GLIS3: variants seen among roughly 807,000 people sequenced by gnomAD.
GLIS3 encodes zinc finger protein GLIS3.
In GLIS3, 53 loss-of-function variants were observed where a neutral mutation model predicts 78.6. The observed-to-expected ratio is 0.67, with a 90% CI of 0.54 to 0.85. The LOEUF (loss-of-function observed/expected upper bound fraction) is 0.85. Ranked by LOEUF, GLIS3 falls within the 40% of genes least tolerant of loss-of-function variation. The pLI, the probability that GLIS3 is intolerant of heterozygous loss-of-function variation, is 0.00. For synonymous variants in GLIS3, 684 were observed against 509.9 expected, an observed-to-expected ratio of 1.34 and a Z score of -4.60; for missense variants, 1,703 against 1,231.1, an observed-to-expected ratio of 1.38 and a Z score of -5.74.
intron 9 of GLIS3, among the ~76,000 whole-genome samples, chr9:3,835,037 A>G (rs1818268595): frequency 6.6e-6 from 1 of 152,180 alleles, no homozygotes; most frequent in Non-Finnish European, 1.5e-5. Flanking sequence ...GCTCTACCCA[A>G]CTGTTGAGGA....
intron 4 of GLIS3, among the ~76,000 whole-genome samples, chr9:4,105,976 C>T (rs1830720406): frequency 6.6e-6 from 1 of 152,176 alleles, no homozygotes; most frequent in African/African-American, 2.4e-5. Context: ...GAGATAATTA[C>T]AATAAACTCA....
upstream of GLIS3, among the ~76,000 whole-genome samples, chr9:4,300,195 C>T (rs930603564): frequency 7.5e-6 from 1 of 132,550 alleles, no homozygotes; most frequent in Non-Finnish European, 1.6e-5. Context: ...CTTGTGTCTC[C>T]CTCTTGACGC....
In GLIS3 at chr9:4,160,406, A is replaced by T. The variant is rs1835380894; in HGVS notation, c.389-34465T>A. ...GCAAACCAGTAAAAATTCCAAAAGG[A>T]TCTGATGCCAGGAAAATGCCTTATT... On this transcript the variant is annotated intron_variant, in intron 2 of 10. Coordinates refer to ENST00000381971, the MANE Select transcript of GLIS3 (RefSeq NM_001042413.2). Among the ~76,000 whole-genome samples the T allele has an allele frequency of 1.3e-5, 2 of 152,224 alleles. 1 individual carries two copies. The highest frequency in any genetic ancestry group is 1.3e-4 in the Admixed American group (2 of 15,288).
intron 2 of GLIS3, among the ~76,000 whole-genome samples, chr9:4,275,200 C>A (rs1335836711): frequency 6.6e-6 from 1 of 152,086 alleles, no homozygotes; most frequent in Non-Finnish European, 1.5e-5. Context: ...TAACTCCTCC[C>A]GAGTAGGCAA....
At chr9:4,089,967 T>C (rs575703248) in intron 4 of GLIS3, among the ~76,000 whole-genome samples, 95 of 152,370 alleles carry the variant, frequency 6.2e-4, no homozygotes, top group Non-Finnish European at 1.1e-3. Context: ...CTGTGTGCCA[T>C]GCCCACGGCA....
chr9:3,921,944 ACACT>A (rs1563852280), intron 6 of GLIS3, among the ~76,000 whole-genome samples: 2 of 151,806 alleles, frequency 1.3e-5, no homozygotes, highest in African/African-American at 4.8e-5. Context: ...ACACACACAC[ACACT>A]CACACTTCAC....
chr9:4,419,606 C>T, the GLIS3 span, among the ~76,000 whole-genome samples: 3 of 151,946 alleles, frequency 2.0e-5, no homozygotes, highest in South Asian at 4.2e-4. Context: ...ATTGTGAAAC[C>T]CCATCTCTAC....
the GLIS3 span, among the ~76,000 whole-genome samples, chr9:4,414,721 G>A: frequency 1.9e-4 from 29 of 151,960 alleles, no homozygotes; most frequent in East Asian, 3.3e-3. Context: ...TCCAGTCTTA[G>A]CAAGAACCCT....
At chr9:4,210,339 G>C (rs774570361) in intron 2 of GLIS3, among the ~76,000 whole-genome samples, 1 of 152,158 alleles carries the variant, frequency 6.6e-6, no homozygotes, top group Non-Finnish European at 1.5e-5. Flanking sequence ...TGTTATCAGC[G>C]AAGTTCAGCA....
In GLIS3 at chr9:4,290,324, C is replaced by G. The variant is rs186409104; in HGVS notation, c.-98-3801G>C. On this transcript the variant is annotated intron_variant, in intron 1 of 10. Transcript: ENST00000381971. The stretch of plus-strand genomic sequence containing the variant: ...GAGGCACAAAATACTGGCCAGCAAA[C>G]AAACTGCTTCTGACTCTACTTCTTA... Among the ~76,000 whole-genome samples, 6 of 152,270 alleles carry G rather than the reference C, an allele frequency of 3.9e-5. No homozygotes were observed. The East Asian group carries it at 5.8e-4, about 15-fold the overall frequency.
rs750716785 is a variant in GLIS3 at position 3,873,993 on chromosome 9, T to A, written c.2297+5434A>T. Among the ~76,000 whole-genome samples, 3 of 152,252 alleles carry A rather than the reference T, an allele frequency of 2.0e-5. No individual in the cohort carries two copies. In the East Asian group the frequency reaches 5.8e-4, roughly 29 times the overall value. ...TTTCTGTGATATTATGAAATATATA[T>A]TTGGTCTTCCTCCCCATTCCTGGCA... On this transcript the variant is annotated intron_variant, in intron 8 of 10. Coordinates refer to ENST00000381971, the MANE Select transcript of GLIS3 (RefSeq NM_001042413.2).
the GLIS3 span, among the ~76,000 whole-genome samples, chr9:4,370,811 A>C: frequency 6.6e-6 from 1 of 152,092 alleles, no homozygotes; most frequent in East Asian, 1.9e-4. Flanking sequence ...AATTCAAAAG[A>C]AAACAGCAGA....
chr9:4,409,713 G>A, the GLIS3 span, among the ~76,000 whole-genome samples: 1 of 152,084 alleles, frequency 6.6e-6, no homozygotes, highest in African/African-American at 2.4e-5. Context: ...GGTTGAAGAA[G>A]CAAGGAACAA....
At chr9:4,277,046 G>C (rs1267990091) in intron 2 of GLIS3, among the ~76,000 whole-genome samples, 1 of 152,028 alleles carries the variant, frequency 6.6e-6, no homozygotes, top group Non-Finnish European at 1.5e-5. Context: ...AAATAACCAC[G>C]GATTTTGCCC....
intron 2 of GLIS3, among the ~76,000 whole-genome samples, chr9:4,282,624 C>G (rs991052884): frequency 3.3e-5 from 5 of 152,262 alleles, no homozygotes; most frequent in African/African-American, 9.6e-5. Flanking sequence ...CCTTCAGACT[C>G]AGACTGCAAT....
chr9:4,400,242 G>A, the GLIS3 span, among the ~76,000 whole-genome samples: 1 of 152,174 alleles, frequency 6.6e-6, no homozygotes, highest in Non-Finnish European at 1.5e-5. Flanking sequence ...TGAAGGGAGG[G>A]CATGTAAAGA....
intron 2 of GLIS3, among the ~76,000 whole-genome samples, chr9:4,264,769 G>A (rs921300447): frequency 6.6e-6 from 1 of 151,990 alleles, no homozygotes; most frequent in Non-Finnish European, 1.5e-5. Context: ...TACATCATAG[G>A]TATTTACTCA....
the GLIS3 span, among the ~76,000 whole-genome samples, chr9:4,473,631 G>A: frequency 6.6e-6 from 1 of 151,912 alleles, no homozygotes; most frequent in South Asian, 2.1e-4. Context: ...CACACACTGG[G>A]GCTTATCAGA....
chr9:3,842,524 T>C (rs1356057331), intron 9 of GLIS3, among the ~76,000 whole-genome samples: 1 of 152,062 alleles, frequency 6.6e-6, no homozygotes, highest in Non-Finnish European at 1.5e-5. Flanking sequence ...AGTCTTAACC[T>C]CTTGAGTCAC....
Sources: allele counts gnomAD v4.1 joint callset (sites outside exome capture counted in the v4.1 genomes callset), GRCh38; gene constraint gnomAD v4.1.1; transcripts MANE v1.5; gene names NCBI Gene and HGNC (gene_info 2026-07-23, HGNC 2026-07-21).